Variants in RASEF observed in about 807,000 individuals in gnomAD.
RASEF encodes the protein ras and EF-hand domain-containing protein.
RASEF carries 68 observed loss-of-function variants against 90.1 expected under a neutral mutation model. That is an observed-to-expected ratio of 0.75 (90% CI 0.62 to 0.92). RASEF has a LOEUF of 0.92. RASEF is among the 40% of genes least tolerant of loss of function. The pLI is 0.00. For missense variants in RASEF, 949 were observed against 937.2 expected (o/e 1.01, Z -0.16); for synonymous variants, 331 against 345.2 (o/e 0.96, Z 0.46).
intron 4 of RASEF, among the ~76,000 whole-genome samples, chr9:83,012,882 T>C (rs140414614): frequency 2.4e-4 from 36 of 152,332 alleles, no homozygotes; most frequent in African/African-American, 8.4e-4. Flanking sequence ...CATTCTGTAT[T>C]ACAATTATTT....
At chr9:83,041,035 G>A (rs983642616) in intron 1 of RASEF, among the ~76,000 whole-genome samples, 1 of 151,874 alleles carries the variant, frequency 6.6e-6, no homozygotes, top group Non-Finnish European at 1.5e-5. Context: ...TAATTTTTTT[G>A]TATTTAGTAG....
intron 16 of RASEF, among the ~76,000 whole-genome samples, chr9:82,986,928 C>A (rs1264128476): frequency 6.6e-6 from 1 of 152,212 alleles, no homozygotes; most frequent in Non-Finnish European, 1.5e-5. Flanking sequence ...AGGAGAAACT[C>A]TTCCTGGGAT....
At chr9:83,105,297 C>T in the RASEF span, among the ~76,000 whole-genome samples, 1 of 152,192 alleles carries the variant, frequency 6.6e-6, no homozygotes, top group Admixed American at 6.5e-5. Flanking sequence ...GAATCCTATA[C>T]TGAGCAGCAC....
chr9:83,058,444 A>G (rs1830141750), intron 1 of RASEF, among the ~76,000 whole-genome samples: 1 of 147,502 alleles, frequency 6.8e-6, no homozygotes, highest in Non-Finnish European at 1.5e-5. Context: ...GGCCTCCCAA[A>G]GTGCTGGGAT....
At chr9:83,103,899 A>G in the RASEF span, among the ~76,000 whole-genome samples, 67 of 152,312 alleles carry the variant, frequency 4.4e-4, no homozygotes, top group African/African-American at 1.5e-3. Flanking sequence ...TATAATCAAC[A>G]TGTTATGACT....
chr9:83,008,936 G>C (rs1237325502), intron 6 of RASEF, among the ~76,000 whole-genome samples: 2 of 33,036 alleles, frequency 6.1e-5, no homozygotes, highest in Non-Finnish European at 1.4e-4. Context: ...ATATATATAT[G>C]ACGTGGGCTC....
At chr9:83,069,428 A>C in the RASEF span, among the ~76,000 whole-genome samples, 1 of 152,196 alleles carries the variant, frequency 6.6e-6, no homozygotes, top group African/African-American at 2.4e-5. Flanking sequence ...ATAGAATTGT[A>C]CACTATGCAC....
chr9:83,142,075 C>A, the RASEF span, among the ~76,000 whole-genome samples: 16 of 152,224 alleles, frequency 1.1e-4, no homozygotes, highest in African/African-American at 3.1e-4. Context: ...ATGTCCCTGG[C>A]AAAAACTAAT....
At chr9:83,115,048 G>A in the RASEF span, among the ~76,000 whole-genome samples, 1 of 152,066 alleles carries the variant, frequency 6.6e-6, no homozygotes, top group Non-Finnish European at 1.5e-5. Flanking sequence ...GTCTCCCCCA[G>A]ACACCCAGCT....
Position 83,000,448 on chromosome 9 carries a change from T to C in RASEF, c.1560A>G (p.Ser520=). 1 of 1,614,050 alleles carries C rather than the reference T, an allele frequency of 6.2e-7. No individual in the cohort carries two copies. The highest frequency in any genetic ancestry group is 8.5e-7 in the Non-Finnish European group (1 of 1,179,992). Residue 520 remains serine (S), a synonymous_variant, in exon 11 of 17, where the codon TCA becomes TCG. Transcript: ENST00000376447. ...GACCACCTACCTGGGGCGAGAGTGC[T>C]GAGATGGGCTTTCTTGATGAACTAA... ...SIVSSSRKPI[S]ALSPQTDLVD...
At chr9:83,109,119 G>T in the RASEF span, among the ~76,000 whole-genome samples, 1 of 137,510 alleles carries the variant, frequency 7.3e-6, no homozygotes. Flanking sequence ...GTAAAAACAT[G>T]TGTACCAAAC....
chr9:83,012,598 G>A (rs1177958464), intron 4 of RASEF, 87 bp from the exon 5 acceptor site: 2 of 617,856 alleles, frequency 3.2e-6, no homozygotes, highest in East Asian at 3.3e-5. Flanking sequence ...ATATACATAT[G>A]AGAATTCTAG....
the RASEF span, among the ~76,000 whole-genome samples, chr9:83,089,490 G>C: frequency 6.6e-6 from 1 of 151,942 alleles, no homozygotes; most frequent in African/African-American, 2.4e-5. Context: ...AACTCTCTTG[G>C]CTATTGTTTA....
chr9:83,138,874 C>T, the RASEF span, among the ~76,000 whole-genome samples: 1 of 152,014 alleles, frequency 6.6e-6, no homozygotes, highest in Non-Finnish European at 1.5e-5. Flanking sequence ...TCTGTGGTTG[C>T]CACCTCCTTA....
intron 9 of RASEF, among the ~76,000 whole-genome samples, chr9:83,004,189 C>G (rs1829088109): frequency 6.6e-6 from 1 of 152,128 alleles, no homozygotes; most frequent in African/African-American, 2.4e-5. Context: ...GCATCATATA[C>G]TATAATTCTG....
At position 82,980,052 on chromosome 9, in the gene RASEF, A is replaced by G. The variant is rs1434020134; in HGVS notation, c.*2625T>C. On this transcript the variant is annotated 3_prime_UTR_variant, in exon 17 of 17. Coordinates refer to ENST00000376447, the MANE Select transcript of RASEF (RefSeq NM_152573.4). ...GAAAATGCATGGGCTAAAAGTTAACAGTGAAAAATATCTCCTTATCCAACA... is the reference window on the plus strand; with the variant it reads ...GAAAATGCATGGGCTAAAAGTTAACGGTGAAAAATATCTCCTTATCCAACA... 6.6e-6 allele frequency: 1 copy of G among 152,222 alleles called. No homozygotes were observed. The highest frequency in any genetic ancestry group is 1.5e-5 in the Non-Finnish European group (1 of 68,044). 9.4% of individuals were successfully genotyped at this position (152,222 alleles called of 1,614,324 possible).
At chr9:83,194,652 T>G in the RASEF span, among the ~76,000 whole-genome samples, 3 of 151,316 alleles carry the variant, frequency 2.0e-5, no homozygotes, top group African/African-American at 7.2e-5. Flanking sequence ...ACATAAAATA[T>G]TTGGGATTCT....
chr9:82,990,528 G>A (rs866627137), intron 15 of RASEF, 61 bp from the exon 16 acceptor site: 2 of 1,260,204 alleles, frequency 1.6e-6, no homozygotes, highest in Middle Eastern at 1.9e-4. Context: ...TGAAATTTTA[G>A]CTTTTAAAAT....
the RASEF span, among the ~76,000 whole-genome samples, chr9:83,164,297 A>G: frequency 4.7e-5 from 7 of 148,628 alleles, no homozygotes; most frequent in African/African-American, 1.5e-4. Context: ...TAGTCCGTTC[A>G]AAAAAATAAT....
Sources: allele counts gnomAD v4.1 joint callset (sites outside exome capture counted in the v4.1 genomes callset), GRCh38; gene constraint gnomAD v4.1.1; transcripts MANE v1.5; gene names NCBI Gene and HGNC (gene_info 2026-07-23, HGNC 2026-07-21).